Variants in HIP1 observed in about 807,000 individuals in gnomAD.
HIP1 encodes the protein huntingtin-interacting protein 1.
In HIP1, 65 loss-of-function variants were observed where a neutral mutation model predicts 147.6. That is an observed-to-expected ratio of 0.44 (90% CI 0.36 to 0.54). The LOEUF (loss-of-function observed/expected upper bound fraction) is 0.54, where lower values mean the gene tolerates loss of function less well. Among genes scored for constraint, HIP1 ranks in the 20% least tolerant of loss-of-function variants. The probability of loss-of-function intolerance (pLI) is 0.00; values close to 1 mark genes in which losing one functional copy is unlikely to be tolerated. For missense variants in HIP1, 1,061 were observed against 1,299.6 expected, an observed-to-expected ratio of 0.82 and a Z score of 2.82; for synonymous variants, 479 against 504.0, an observed-to-expected ratio of 0.95 and a Z score of 0.67.
chr7:75,592,175 G>T, intron 3 of HIP1, 63 bp from the exon 4 acceptor site: 1 of 1,531,444 alleles, frequency 6.5e-7, no homozygotes. Context: ...AAGGGAAGGA[G>T]GATGGAGAGA....
chr7:75,586,668 G>T, intron 5 of HIP1, 85 bp downstream of exon 5: 1 of 829,612 alleles, frequency 1.2e-6, no homozygotes, highest in South Asian at 1.4e-5. Context: ...TTACCTGAAA[G>T]AGCTGACAAA....
intron 7 of HIP1, among the ~76,000 whole-genome samples, chr7:75,577,332 C>CAAAAAAAAAAAAAAAAAAA (rs61299057): frequency 2.1e-5 from 2 of 96,908 alleles, no homozygotes; most frequent in Non-Finnish European, 2.2e-5. Context: ...ATCCCATCTC[C>CAAAAAAAAAAAAAAAAAAA]AAAAAAAAAA....
chr7:75,671,517 A>G (rs1396507036), intron 1 of HIP1, among the ~76,000 whole-genome samples: 1 of 152,152 alleles, frequency 6.6e-6, no homozygotes, highest in Non-Finnish European at 1.5e-5. Flanking sequence ...TAATGCTGCT[A>G]TGAACGTGGA....
rs558564070 is a variant in HIP1, at chr7:75,713,381, A to T, written c.120+25420T>A. ...AAGCTGGAACTAAGACTGACTGCCA[A>T]GTCTTACTAGTATCCGGTGCTAGCT... On this transcript the variant is annotated intron_variant, in intron 1 of 30. Coordinates refer to ENST00000336926, the MANE Select transcript of HIP1 (RefSeq NM_005338.7). Among the ~76,000 whole-genome samples the T allele has an allele frequency of 9.6e-4, 146 of 152,318 alleles. 1 individual carries two copies. Among genetic ancestry groups the T allele is most frequent in the African/African-American group, 3.5e-3 (144 of 41,582 alleles).
intron 7 of HIP1, 142 bp from the exon 8 acceptor site, chr7:75,574,043 A>C: frequency 1.6e-6 from 1 of 627,770 alleles, no homozygotes; most frequent in South Asian, 2.1e-5. Flanking sequence ...TTTAACCTTC[A>C]CAACACTCCC....
intron 1 of HIP1, among the ~76,000 whole-genome samples, chr7:75,729,200 G>A (rs373837931): frequency 6.8e-6 from 1 of 147,458 alleles, no homozygotes; most frequent in South Asian, 2.2e-4. Flanking sequence ...TGGGCCAGGT[G>A]CAGTGACTCA....
At chr7:75,621,464 C>T (rs1021214745) in intron 1 of HIP1, among the ~76,000 whole-genome samples, 1 of 152,152 alleles carries the variant, frequency 6.6e-6, no homozygotes, top group Non-Finnish European at 1.5e-5. Flanking sequence ...CCATGTTGCC[C>T]AGGTTGGTCT....
At chr7:75,721,048 A>G (rs2117379197) in intron 1 of HIP1, among the ~76,000 whole-genome samples, 1 of 150,738 alleles carries the variant, frequency 6.6e-6, no homozygotes, top group East Asian at 2.0e-4. Flanking sequence ...CAAAAAAAAA[A>G]AAAAAAGACC....
At chr7:75,585,646 C>T (rs1286222433) in intron 5 of HIP1, among the ~76,000 whole-genome samples, 2 of 151,798 alleles carry the variant, frequency 1.3e-5, no homozygotes, top group African/African-American at 2.4e-5. Flanking sequence ...CCCGACTCCC[C>T]GCCTCAGCCT....
intron 19 of HIP1, among the ~76,000 whole-genome samples, chr7:75,554,930 G>A (rs782079508): frequency 1.3e-5 from 2 of 152,030 alleles, no homozygotes; most frequent in Non-Finnish European, 2.9e-5. Flanking sequence ...CCAAGGCCAG[G>A]CATGGTGGCT....
chr7:75,676,026 G>A (rs980348758), intron 1 of HIP1, among the ~76,000 whole-genome samples: 11 of 152,090 alleles, frequency 7.2e-5, no homozygotes, highest in African/African-American at 2.4e-4. Context: ...CACAATTTTT[G>A]TTCAAAACCG....
chr7:75,557,374 C>G (rs1397758262), intron 16 of HIP1, among the ~76,000 whole-genome samples: 1 of 152,132 alleles, frequency 6.6e-6, no homozygotes, highest in Admixed American at 6.5e-5. Flanking sequence ...TCATCCCTCT[C>G]TCTCTGCCAC....
intron 1 of HIP1, among the ~76,000 whole-genome samples, chr7:75,616,600 GGAGGAGGAGGAGGAAGAGGAGGAGGAC>G (rs1181045249): frequency 6.0e-5 from 6 of 99,708 alleles, no homozygotes; most frequent in Non-Finnish European, 1.1e-4. Context: ...AGGAGGAGGA[GGAGGAGGAGGAGGAAGAGGAGGAGGAC>G]GAGGAGGAGG....
At chr7:75,717,572 C>T (rs553286136) in intron 1 of HIP1, among the ~76,000 whole-genome samples, 368 of 151,226 alleles carry the variant, frequency 2.4e-3, no homozygotes, top group Non-Finnish European at 4.0e-3. Flanking sequence ...TGGCTTACAC[C>T]CATAATCTTA....
chr7:75,548,775 CT>C, intron 23 of HIP1, 115 bp downstream of exon 23: 1 of 800,224 alleles, frequency 1.2e-6, no homozygotes, highest in Non-Finnish European at 2.1e-6. Flanking sequence ...ATTCTGGTTT[CT>C]GTCTTAGGGG....
chr7:75,608,252 AGCCGAGATCAC>A (rs1187804928), intron 1 of HIP1, among the ~76,000 whole-genome samples: 1 of 152,208 alleles, frequency 6.6e-6, no homozygotes, highest in Non-Finnish European at 1.5e-5. Context: ...GAACGCTGTG[AGCCGAGATCAC>A]GCCACTGCAC....
At chr7:75,695,581 T>TTGC (rs201352009) in intron 1 of HIP1, among the ~76,000 whole-genome samples, 12,300 of 151,476 alleles carry the variant, frequency 0.081, 793 homozygotes, top group African/African-American at 0.17. Context: ...TTTTTTGTTG[T>TTGC]TGTCTGTTTT....
chr7:75,613,322 T>A (rs1012986768), intron 1 of HIP1, among the ~76,000 whole-genome samples: 2 of 152,084 alleles, frequency 1.3e-5, no homozygotes, highest in Non-Finnish European at 2.9e-5. Flanking sequence ...GTCCCCACCG[T>A]GGGGAGCCTT....
At chr7:75,539,225 G>T in intron 30 of HIP1, 98 bp downstream of exon 30, 1 of 794,396 alleles carries the variant, frequency 1.3e-6, no homozygotes, top group Non-Finnish European at 2.2e-6. Context: ...CCACCGATCT[G>T]GTGGGTTCCT....
Sources: allele counts gnomAD v4.1 joint callset (sites outside exome capture counted in the v4.1 genomes callset), GRCh38; gene constraint gnomAD v4.1.1; transcripts MANE v1.5; gene names NCBI Gene and HGNC (gene_info 2026-07-23, HGNC 2026-07-21).